Variants in WDPCP observed in about 807,000 individuals in gnomAD.
The protein encoded by WDPCP is WD repeat-containing and planar cell polarity effector protein fritz homolog.
Under a neutral mutation model 93.1 loss-of-function variants are expected in WDPCP, and 71 were observed. The ratio of observed to expected loss-of-function variants is 0.76; its 90% CI spans 0.63 to 0.93. WDPCP has a LOEUF of 0.93. Among genes scored for constraint, WDPCP ranks in the 40% least tolerant of loss-of-function variants. WDPCP has a pLI of 0.00. For missense variants in WDPCP, 844 were observed against 887.4 expected (o/e 0.95, Z 0.62); for synonymous variants, 315 against 315.0 (o/e 1.00, Z 0.00).
At chr2:63,374,752 T>C (rs181593242) in intron 12 of WDPCP, among the ~76,000 whole-genome samples, 34 of 152,266 alleles carry the variant, frequency 2.2e-4, no homozygotes, top group African/African-American at 7.9e-4. Flanking sequence ...ATTTCCAACA[T>C]AGAGCAAAGT....
At chr2:63,170,423 C>G (rs925855287) in intron 15 of WDPCP, among the ~76,000 whole-genome samples, 1 of 151,966 alleles carries the variant, frequency 6.6e-6, no homozygotes, top group Non-Finnish European at 1.5e-5. Flanking sequence ...CAGACATGTG[C>G]CATCACACCA....
intron 2 of WDPCP, among the ~76,000 whole-genome samples, chr2:63,729,740 G>T (rs1372847044): frequency 6.6e-6 from 1 of 152,004 alleles, no homozygotes; most frequent in Non-Finnish European, 1.5e-5. Flanking sequence ...AGACTAAAGG[G>T]ATACAGCAGT....
chr2:63,557,056 A>G (rs936071252), intron 1 of WDPCP, among the ~76,000 whole-genome samples: 5 of 152,220 alleles, frequency 3.3e-5, no homozygotes, highest in Non-Finnish European at 7.3e-5. Flanking sequence ...ATCAACCACT[A>G]CAAAAACACA....
At chr2:63,427,796 T>C (rs1696433344) in intron 9 of WDPCP, among the ~76,000 whole-genome samples, 1 of 152,124 alleles carries the variant, frequency 6.6e-6, no homozygotes, top group Admixed American at 6.5e-5. Flanking sequence ...AAAGTTGTTT[T>C]CTGAGAGAAT....
intron 2 of WDPCP, among the ~76,000 whole-genome samples, chr2:63,777,125 C>G (rs139916210): frequency 0.013 from 1,924 of 152,138 alleles, 18 homozygotes; most frequent in Non-Finnish European, 0.015. Flanking sequence ...ATCCTAAGTA[C>G]CATGATTTGA....
chr2:63,628,461 A>AT (rs1709832808), intron 3 of WDPCP, among the ~76,000 whole-genome samples: 4 of 152,186 alleles, frequency 2.6e-5, no homozygotes, highest in African/African-American at 7.2e-5. Context: ...AACAGAAACC[A>AT]CAACAGAGCT....
intron 12 of WDPCP, among the ~76,000 whole-genome samples, chr2:63,373,674 T>C (rs1691602202): frequency 1.3e-5 from 2 of 152,076 alleles, no homozygotes; most frequent in African/African-American, 2.4e-5. Flanking sequence ...TTGTGTGTTT[T>C]CTATTTTCCA....
intron 9 of WDPCP, among the ~76,000 whole-genome samples, chr2:63,409,321 CA>C (rs1446466168): frequency 6.6e-6 from 1 of 152,182 alleles, no homozygotes; most frequent in Non-Finnish European, 1.5e-5. Context: ...GTTTGGCTCA[CA>C]GGAAGCCACA....
chr2:63,663,084 A>C (rs1248565380), intron 2 of WDPCP, among the ~76,000 whole-genome samples: 1 of 152,188 alleles, frequency 6.6e-6, no homozygotes, highest in African/African-American at 2.4e-5. Context: ...TTCCTGCCTT[A>C]CAACACAACA....
In WDPCP at chr2:63,644,243, CT is replaced by C. The variant is rs1167296293; in HGVS notation, n.488+6415del. ...TGTGCAAGTATTTCTTTCTCCTCTA[CT>C]TTTTTTTTTTTTTTTTTTGAGACAG... On this transcript the variant is annotated intron_variant and non_coding_transcript_variant, in intron 3 of 4. Coordinates refer to the WDPCP transcript ENST00000467687. Among the ~76,000 whole-genome samples the C allele has an allele frequency of 2.9e-3, 349 of 118,444 alleles. 1 individual carries two copies. Among genetic ancestry groups the C allele is most frequent in the African/African-American group, 1.0e-2 (307 of 30,792 alleles). The allele number at this position is 118,444 out of a possible 152,430, so 77.7% of individuals were successfully genotyped here.
chr2:63,566,169 T>A (rs894930035), intron 1 of WDPCP, among the ~76,000 whole-genome samples: 1 of 152,224 alleles, frequency 6.6e-6, no homozygotes, highest in Non-Finnish European at 1.5e-5. Flanking sequence ...AAAGAAAATA[T>A]CTTGGTCCCC....
intron 2 of WDPCP, among the ~76,000 whole-genome samples, chr2:63,699,146 C>G (rs555113629): frequency 6.6e-6 from 1 of 152,196 alleles, no homozygotes; most frequent in Non-Finnish European, 1.5e-5. Context: ...GGAACACTCT[C>G]AGCAGCTCCC....
At chr2:63,240,209 C>T (rs764227794) in intron 14 of WDPCP, among the ~76,000 whole-genome samples, 6 of 152,176 alleles carry the variant, frequency 3.9e-5, no homozygotes, top group East Asian at 1.9e-4. Flanking sequence ...GACAGGGTCT[C>T]GCTCTGTTGC....
chr2:63,573,019 G>A (rs1216805572), intron 1 of WDPCP, among the ~76,000 whole-genome samples: 3 of 152,110 alleles, frequency 2.0e-5, no homozygotes, highest in Non-Finnish European at 4.4e-5. Context: ...GGCCAAGGCA[G>A]GAGGACTGAC....
At chr2:63,640,446 A>G (rs1265858773) in intron 3 of WDPCP, among the ~76,000 whole-genome samples, 2 of 152,210 alleles carry the variant, frequency 1.3e-5, no homozygotes, top group African/African-American at 2.4e-5. Flanking sequence ...GTGAGCTGTG[A>G]TCACATCACT....
intron 1 of WDPCP, among the ~76,000 whole-genome samples, chr2:63,550,760 C>T (rs1292042393): frequency 1.8e-4 from 25 of 139,402 alleles, no homozygotes; most frequent in African/African-American, 5.3e-4. Flanking sequence ...TATATATATA[C>T]ACATATATAT....
intron 2 of WDPCP, among the ~76,000 whole-genome samples, chr2:63,720,425 A>AAAAC (rs1669398970): frequency 6.6e-6 from 1 of 151,956 alleles, no homozygotes; most frequent in African/African-American, 2.4e-5. Flanking sequence ...TTAAAAAAAA[A>AAAAC]AAAAAACAAA....
intron 12 of WDPCP, among the ~76,000 whole-genome samples, chr2:63,358,563 C>G (rs1366836488): frequency 2.0e-5 from 3 of 152,096 alleles, no homozygotes; most frequent in African/African-American, 7.2e-5. Context: ...CTCAAGCAAC[C>G]CTCCCACCTC....
chr2:63,619,522 T>G (rs1278137034), intron 3 of WDPCP, among the ~76,000 whole-genome samples: 2 of 152,218 alleles, frequency 1.3e-5, no homozygotes, highest in African/African-American at 4.8e-5. Flanking sequence ...TGAACTTAAC[T>G]GCTGTCATTA....
Sources: gnomAD v4.1 joint callset for allele counts (sites outside exome capture counted in the v4.1 genomes callset) on GRCh38, gnomAD v4.1.1 for gene constraint, MANE v1.5 for transcripts, NCBI Gene and HGNC (gene_info 2026-07-23, HGNC 2026-07-21) for gene names.